Variants in ZNF383 observed in about 807,000 individuals in gnomAD.
ZNF383 encodes the protein zinc finger protein 383.
ZNF383 carries 32 observed loss-of-function variants against 44.2 expected under a neutral mutation model. The observed-to-expected ratio is 0.72, with a 90% CI of 0.55 to 0.97. The LOEUF (loss-of-function observed/expected upper bound fraction) is 0.97. Among genes scored for constraint, ZNF383 ranks in the 50% least tolerant of loss-of-function variants. The pLI is 0.00. For missense variants in ZNF383, 487 were observed against 562.5 expected, an observed-to-expected ratio of 0.87 and a Z score of 1.36; for synonymous variants, 155 against 186.2, an observed-to-expected ratio of 0.83 and a Z score of 1.36.
intron 1 of ZNF383, among the ~76,000 whole-genome samples, chr19:37,219,065 G>T (rs940656636): frequency 5.3e-5 from 8 of 152,076 alleles, no homozygotes; most frequent in African/African-American, 1.9e-4. Flanking sequence ...GTTATTGTTT[G>T]GGTGAGGCGT....
At chr19:37,220,574 G>T (rs1657507) in intron 1 of ZNF383, among the ~76,000 whole-genome samples, 57,915 of 146,434 alleles carry the variant, frequency 0.4, 12,610 homozygotes, top group African/African-American at 0.62. Flanking sequence ...TTTTTTTGTT[G>T]TTGTTTAATC....
intron 5 of ZNF383, 86 bp from the exon 6 acceptor site, chr19:37,242,383 T>C (rs1421275701): frequency 3.5e-6 from 3 of 853,500 alleles, no homozygotes; most frequent in Admixed American, 2.8e-5. Flanking sequence ...GATACTATTC[T>C]TACTTTAATT....
intron 2 of ZNF383, among the ~76,000 whole-genome samples, chr19:37,227,082 C>G (rs1004394709): frequency 6.7e-6 from 1 of 148,158 alleles, no homozygotes; most frequent in Non-Finnish European, 1.5e-5. Context: ...GCTGGGATTA[C>G]AGGCATGAGC....
intron 1 of ZNF383, among the ~76,000 whole-genome samples, chr19:37,220,986 G>A (rs775447227): frequency 3.3e-5 from 5 of 152,108 alleles, no homozygotes; most frequent in South Asian, 2.1e-4. Context: ...CAGTTCAGAC[G>A]TTGGTTATTT....
At chr19:37,219,039 T>C (rs1972799224) in intron 1 of ZNF383, among the ~76,000 whole-genome samples, 1 of 152,138 alleles carries the variant, frequency 6.6e-6, no homozygotes, top group Non-Finnish European at 1.5e-5. Context: ...ACAATGATTG[T>C]GTGACCATAT....
chr19:37,228,210 C>T (rs745723764), intron 2 of ZNF383, among the ~76,000 whole-genome samples: 1 of 152,176 alleles, frequency 6.6e-6, no homozygotes, highest in Non-Finnish European at 1.5e-5. Context: ...ACCGGTAGAC[C>T]AAGGAGCCCT....
intron 4 of ZNF383, 65 bp from the exon 5 acceptor site, chr19:37,235,914 C>T: frequency 1.4e-6 from 2 of 1,411,570 alleles, no homozygotes; most frequent in Non-Finnish European, 1.9e-6. Context: ...TTCCTGTGAT[C>T]ATCAAGGGAC....
At chr19:37,239,010 C>G (rs548503611) in intron 5 of ZNF383, among the ~76,000 whole-genome samples, 11 of 152,254 alleles carry the variant, frequency 7.2e-5, no homozygotes, top group African/African-American at 2.2e-4. Context: ...GCCTCCACCC[C>G]GCAGGTTCAA....
At chr19:37,242,045 A>C (rs1417559877) in intron 5 of ZNF383, among the ~76,000 whole-genome samples, 67 of 131,446 alleles carry the variant, frequency 5.1e-4, no homozygotes, top group Non-Finnish European at 7.3e-4. Context: ...TATATAGTAT[A>C]GATACTATAT....
chr19:37,229,638 A>G (rs1973362935), intron 2 of ZNF383, among the ~76,000 whole-genome samples: 3 of 145,110 alleles, frequency 2.1e-5, no homozygotes, highest in African/African-American at 5.1e-5. Context: ...GTGTGTATAT[A>G]TATATATATG....
At chr19:37,226,031 C>G (rs1268556272) in intron 2 of ZNF383, among the ~76,000 whole-genome samples, 1 of 151,010 alleles carries the variant, frequency 6.6e-6, no homozygotes, top group East Asian at 1.9e-4. Context: ...GATCTCCTGA[C>G]CTCGTAAAAT....
At chr19:37,241,409 T>C (rs947142741) in intron 5 of ZNF383, among the ~76,000 whole-genome samples, 3 of 152,188 alleles carry the variant, frequency 2.0e-5, no homozygotes, top group African/African-American at 7.2e-5. Context: ...TTTATTAGGA[T>C]ACATATTTGA....
At chr19:37,236,132 A>T in intron 5 of ZNF383, 58 bp downstream of exon 5, 1 of 1,408,172 alleles carries the variant, frequency 7.1e-7, no homozygotes, top group Non-Finnish European at 9.8e-7. Flanking sequence ...TCAGCTGGTC[A>T]GGGAGGAAAC....
chr19:37,220,037 G>A (rs1972843451), intron 1 of ZNF383, among the ~76,000 whole-genome samples: 1 of 152,092 alleles, frequency 6.6e-6, no homozygotes, highest in Non-Finnish European at 1.5e-5. Context: ...AAAGAATTTA[G>A]AAAATAGGGA....
intron 3 of ZNF383, among the ~76,000 whole-genome samples, chr19:37,231,971 T>A (rs1368051928): frequency 6.6e-6 from 1 of 152,252 alleles, no homozygotes; most frequent in Non-Finnish European, 1.5e-5. Flanking sequence ...TTTTTACTTA[T>A]TTGATAAACA....
At chr19:37,226,719 CATTT>C (rs1419279216) in intron 2 of ZNF383, 2 of 152,094 alleles carry the variant, frequency 1.3e-5, no homozygotes, top group Non-Finnish European at 2.9e-5. Context: ...TTTGTAAGTT[CATTT>C]ATTGGACAAG....
Position 37,235,970 on chromosome 19 carries a change from C to T in ZNF383, c.137-9C>T, listed in dbSNP as rs370630874. 1.9e-4 allele frequency: 304 copies of T among 1,606,070 alleles called. No individual in the cohort carries two copies. The highest frequency in any genetic ancestry group is 2.3e-4 in the Non-Finnish European group (273 of 1,176,268). The stretch of plus-strand genomic sequence containing the variant: ...CATAACCATGTTCCATATCTTTTCT[C>T]GTGAGCAGGACTTTACACTCCTAAG... On this transcript the variant is annotated splice_polypyrimidine_tract_variant and intron_variant, in intron 4 of 5. Coordinates refer to ENST00000684119, the MANE Select transcript of ZNF383 (RefSeq NM_001387601.1).
intron 2 of ZNF383, among the ~76,000 whole-genome samples, chr19:37,225,792 T>G (rs1016504235): frequency 2.0e-4 from 28 of 140,564 alleles, no homozygotes; most frequent in African/African-American, 4.5e-4. Flanking sequence ...TCAGTTTAAA[T>G]TTTTTTTTTT....
rs565791431 is a variant in ZNF383, at chr19:37,241,098, T to C, written c.233-1371T>C. ...CTGGGATTACAGGTGTGAGCCACCA[T>C]GCCCAGCCACCACATTCAAATTGTA... On this transcript the variant is annotated intron_variant, in intron 5 of 5. Transcript: ENST00000684119. Among the ~76,000 whole-genome samples the C allele has an allele frequency of 3.9e-5, 6 of 152,290 alleles. No individual in the cohort carries two copies. In the East Asian group the frequency reaches 1.2e-3, roughly 29 times the overall value.
Sources: allele counts gnomAD v4.1 joint callset (sites outside exome capture counted in the v4.1 genomes callset), GRCh38; gene constraint gnomAD v4.1.1; transcripts MANE v1.5; gene names NCBI Gene and HGNC (gene_info 2026-07-23, HGNC 2026-07-21).